Variants in FASTKD1 observed in about 807,000 individuals in gnomAD.
FASTKD1 encodes FAST kinase domain-containing protein 1, mitochondrial.
FASTKD1 carries 94 observed loss-of-function variants against 90.9 expected under a neutral mutation model. The ratio of observed to expected loss-of-function variants is 1.03; its 90% CI spans 0.88 to 1.23. The LOEUF is 1.23. FASTKD1 is among the 50% of genes most tolerant of loss of function. FASTKD1 has a pLI of 0.00. For synonymous variants in FASTKD1, 319 were observed against 345.8 expected (o/e 0.92, Z 0.86); for missense variants, 945 against 993.5 (o/e 0.95, Z 0.66).
intron 9 of FASTKD1, among the ~76,000 whole-genome samples, chr2:169,540,595 A>G (rs1241866719): frequency 1.3e-5 from 2 of 152,266 alleles, no homozygotes; most frequent in East Asian, 3.8e-4. Context: ...TAATAATACA[A>G]TAGTGTTCAG....
Position 169,570,341 on chromosome 2 carries a change from T to G in FASTKD1, c.378-1089A>C, listed in dbSNP as rs185392578. Among the ~76,000 whole-genome samples the G allele has an allele frequency of 3.1e-3, 470 of 152,262 alleles. 1 individual carries two copies. The highest frequency in any genetic ancestry group is 0.011 in the African/African-American group (445 of 41,552). ...CTTTTTATTTTTTTTCCTTTTTTCT[T>G]TGCTCTCTTCATTTTTTCTTCACAA... is the stretch of plus-strand genomic sequence containing the variant. On this transcript the variant is annotated intron_variant, in intron 2 of 14. Transcript: ENST00000453153.
intron 7 of FASTKD1, among the ~76,000 whole-genome samples, chr2:169,546,975 T>C (rs1204952213): frequency 6.6e-6 from 1 of 152,034 alleles, no homozygotes; most frequent in South Asian, 2.1e-4. Flanking sequence ...CAGTGTCAGA[T>C]CCCACAGGTT....
intron 8 of FASTKD1, among the ~76,000 whole-genome samples, chr2:169,545,106 T>A (rs1685129724): frequency 6.6e-6 from 1 of 152,192 alleles, no homozygotes; most frequent in Non-Finnish European, 1.5e-5. Flanking sequence ...CTGTTCTGGC[T>A]GGGAGTGGTG....
At chr2:169,542,963 A>C (rs1220204793) in intron 9 of FASTKD1, among the ~76,000 whole-genome samples, 1 of 152,188 alleles carries the variant, frequency 6.6e-6, no homozygotes, top group East Asian at 1.9e-4. Context: ...TTTTGCTGCA[A>C]ATGTTTAATC....
rs889122164 is a variant in FASTKD1, at chr2:169,529,696, T to C, written c.*129A>G. ...TTCTGCTCCAGCCACACTGGATCCT[T>C]TGTTATTCTCAAACATGCCAGGCAT... On this transcript the variant is annotated 3_prime_UTR_variant, in exon 15 of 15. Transcript: ENST00000453153. 2 of 638,914 alleles carry C rather than the reference T, an allele frequency of 3.1e-6. No homozygotes were observed. Among genetic ancestry groups the C allele is most frequent in the Non-Finnish European group, 5.5e-6 (2 of 363,448 alleles). The allele number at this position is 638,914 out of a possible 1,614,324, so 39.6% of individuals were successfully genotyped here.
chr2:169,547,995 C>CA (rs759460041), intron 7 of FASTKD1, among the ~76,000 whole-genome samples: 18,835 of 77,270 alleles, frequency 0.24, 1,642 homozygotes, highest in Non-Finnish European at 0.28. Context: ...CCCTCCGTCT[C>CA]AAAAAAAAAA....
chr2:169,561,022 G>A (rs1428375995), intron 4 of FASTKD1, among the ~76,000 whole-genome samples: 4 of 150,612 alleles, frequency 2.7e-5, no homozygotes, highest in African/African-American at 9.7e-5. Context: ...CAAGGGGCTG[G>A]GCATGGTGGC....
intron 7 of FASTKD1, among the ~76,000 whole-genome samples, chr2:169,549,925 T>G (rs1282230761): frequency 6.6e-6 from 1 of 152,226 alleles, no homozygotes. Context: ...TTTGAAAACT[T>G]TAAAAGTATT....
chr2:169,540,256 C>A, intron 9 of FASTKD1, 77 bp from the exon 10 acceptor site: 1 of 1,341,042 alleles, frequency 7.5e-7, no homozygotes, highest in Non-Finnish European at 9.9e-7. Flanking sequence ...TCAGGCAAAC[C>A]CAGGTTTTTA....
intron 7 of FASTKD1, 152 bp downstream of exon 7, chr2:169,554,972 T>C (rs1297177054): frequency 1.5e-6 from 1 of 650,644 alleles, no homozygotes; most frequent in African/African-American, 1.8e-5. Context: ...ACTGGCAGAA[T>C]GGCCACGGAG....
At chr2:169,534,739 G>A (rs1005807439) in intron 12 of FASTKD1, among the ~76,000 whole-genome samples, 2 of 152,062 alleles carry the variant, frequency 1.3e-5, no homozygotes, top group East Asian at 1.9e-4. Flanking sequence ...GATTACAGGC[G>A]TGTGCCACTG....
rs202246221 is a variant in FASTKD1, at chr2:169,530,588, T to C, written c.2441A>G (p.Gln814Arg). 2.1e-4 allele frequency: 329 copies of C among 1,581,408 alleles called. 1 individual carries two copies. The highest frequency in any genetic ancestry group is 1.2e-3 in the Middle Eastern group (7 of 5,982). Residue 814 changes from glutamine (Q) to arginine (R), a missense_variant and splice_region_variant, in exon 14 of 15, where the codon CAG becomes CGG. Physicochemically the swap from Gln to Arg is conservative, Grantham distance 43. Coordinates refer to ENST00000453153, the MANE Select transcript of FASTKD1 (RefSeq NM_024622.6). ...CTGAATTACATGAGTATTTCATACCTGAATTACACGATACCCCAGAATTTC... is the reference window on the plus strand; with the variant it reads ...CTGAATTACATGAGTATTTCATACCCGAATTACACGATACCCCAGAATTTC... Reference protein sequence around the residue: ...HLEILGYRVIQISQFEWNSMA... With the variant: ...HLEILGYRVIRISQFEWNSMA...
Position 169,563,236 on chromosome 2 carries a change from T to C in FASTKD1, c.561A>G (p.Thr187=). Residue 187 remains threonine (T), a synonymous_variant, in exon 4 of 15, where the codon ACA becomes ACG. Coordinates refer to ENST00000453153, the MANE Select transcript of FASTKD1 (RefSeq NM_024622.6). ...CTAAATAAATTTACCTTAAGTCCTGTGTGGTTTCCAAGTTCCTATGAACAA... is the reference window on the plus strand; with the variant it reads ...CTAAATAAATTTACCTTAAGTCCTGCGTGGTTTCCAAGTTCCTATGAACAA... ...ADIVHRNLET[T]QDLSSLSVLM... is the part of the protein sequence containing the mutation. The C allele has an allele frequency of 1.2e-6, 2 of 1,610,960 alleles. No homozygotes were observed. The highest frequency in any genetic ancestry group is 1.3e-5 in the African/African-American group (1 of 74,928).
intron 12 of FASTKD1, among the ~76,000 whole-genome samples, chr2:169,536,075 G>GT (rs1350114460): frequency 4.6e-5 from 7 of 151,670 alleles, no homozygotes; most frequent in African/African-American, 1.2e-4. Flanking sequence ...GAGCCCAGGA[G>GT]TTTGAGACCA....
Position 169,563,232 on chromosome 2 carries a change from C to A in FASTKD1, c.565G>T (p.Asp189Tyr). The change falls in exon 4 of 15, where the codon GAC becomes TAC. Residue 189 changes from aspartate (D) to tyrosine (Y), a missense_variant. By Grantham distance (160) the Asp-to-Tyr change is radical. Transcript: ENST00000453153. ...TTCCCTAAATAAATTTACCTTAAGTCCTGTGTGGTTTCCAAGTTCCTATGA... is the reference window on the plus strand; with the variant it reads ...TTCCCTAAATAAATTTACCTTAAGTACTGTGTGGTTTCCAAGTTCCTATGA... ...IVHRNLETTQ[D>Y]LSSLSVLMVN... is the part of the protein sequence containing the mutation. 1.1e-5 allele frequency: 17 copies of A among 1,610,468 alleles called. No homozygotes were observed. The highest frequency in any genetic ancestry group is 1.3e-5 in the Non-Finnish European group (15 of 1,179,206).
intron 4 of FASTKD1, among the ~76,000 whole-genome samples, 186 bp downstream of exon 4, chr2:169,563,039 G>C (rs954541190): frequency 5.1e-4 from 77 of 152,122 alleles, no homozygotes; most frequent in African/African-American, 1.7e-3. Context: ...TGTACCTTAT[G>C]TCTAATCCCC....
In FASTKD1 at chr2:169,562,057, A is replaced by AG. The variant is rs1559157547; in HGVS notation, c.572+1167_572+1168insC. 8.9e-4 allele frequency among the ~76,000 whole-genome samples: 103 copies of AG among 116,252 alleles called. 27 individuals carry two copies. Among genetic ancestry groups the AG allele is most frequent in the Admixed American group, 1.5e-3 (15 of 10,260 alleles). The allele number at this position is 116,252 out of a possible 152,430, so 76.3% of individuals were successfully genotyped here. On this transcript the variant is annotated intron_variant, in intron 4 of 14. Transcript: ENST00000453153. ...TTAATTTATTGTAAATTAATTATTTATTAATTTATTGTAAAATAATTATTT... is the reference window on the plus strand; with the variant it reads ...TTAATTTATTGTAAATTAATTATTTAGTTAATTTATTGTAAAATAATTATTT...
chr2:169,566,299 A>T (rs1473563785), intron 3 of FASTKD1, among the ~76,000 whole-genome samples: 1 of 152,162 alleles, frequency 6.6e-6, no homozygotes, highest in Non-Finnish European at 1.5e-5. Context: ...AAATATACTG[A>T]AGTATACTGA....
rs1368110215 is a variant in FASTKD1, at chr2:169,562,084, T to G, written c.572+1141A>C. Among the ~76,000 whole-genome samples, 12 of 131,106 alleles carry G rather than the reference T, an allele frequency of 9.2e-5. 2 individuals carry two copies. Among genetic ancestry groups the G allele is most frequent in the Admixed American group, 1.6e-4 (2 of 12,184 alleles). The allele number at this position is 131,106 out of a possible 152,430, so 86.0% of individuals were successfully genotyped here. A position where few individuals can be genotyped will look rare whatever the true frequency, so the allele number is the denominator to read the frequency against. ...TAATTTATTGTAAAATAATTATTTA[T>G]TAATTTATTGTAAAATAATTATTTA... On this transcript the variant is annotated intron_variant, in intron 4 of 14. Coordinates refer to ENST00000453153, the MANE Select transcript of FASTKD1 (RefSeq NM_024622.6).
Sources: gnomAD v4.1 joint callset for allele counts (sites outside exome capture counted in the v4.1 genomes callset) on GRCh38, gnomAD v4.1.1 for gene constraint, MANE v1.5 for transcripts, NCBI Gene and HGNC (gene_info 2026-07-23, HGNC 2026-07-21) for gene names.